The following IMMP2L variants were observed in gnomAD, a reference collection of about 807,000 sequenced individuals.
IMMP2L encodes the protein mitochondrial inner membrane protease subunit 2.
A neutral mutation model predicts 19.3 loss-of-function variants in IMMP2L; 18 were observed. The observed-to-expected ratio is 0.93, with a 90% confidence interval of 0.64 to 1.38. IMMP2L has a LOEUF of 1.38. Among genes scored for constraint, IMMP2L ranks in the 40% most tolerant of loss-of-function variants. The probability of loss-of-function intolerance (pLI) is 0.00; values close to 1 mark genes in which losing one functional copy is unlikely to be tolerated. For synonymous variants in IMMP2L, 76 were observed against 73.0 expected (o/e 1.04, Z -0.21); for missense variants, 233 against 218.2 (o/e 1.07, Z -0.43).
chr7:111,220,722 C>A (rs1812422867), intron 3 of IMMP2L, among the ~76,000 whole-genome samples: 1 of 151,720 alleles, frequency 6.6e-6, no homozygotes, highest in Admixed American at 6.6e-5. Flanking sequence ...GAAGTAAAGT[C>A]CCATAATTTT....
At chr7:110,671,919 G>A (rs1168939658) in intron 5 of IMMP2L, among the ~76,000 whole-genome samples, 4 of 151,764 alleles carry the variant, frequency 2.6e-5, no homozygotes, top group Non-Finnish European at 5.9e-5. Context: ...CCATGTGAGG[G>A]GCCCTCACCA....
intron 5 of IMMP2L, among the ~76,000 whole-genome samples, chr7:110,779,459 G>T (rs1448449090): frequency 6.6e-6 from 1 of 151,942 alleles, no homozygotes; most frequent in Non-Finnish European, 1.5e-5. Context: ...TAGTTATCGA[G>T]AAAAACATGA....
intron 3 of IMMP2L, among the ~76,000 whole-genome samples, chr7:111,395,821 T>G (rs1347176698): frequency 6.6e-6 from 1 of 152,170 alleles, no homozygotes; most frequent in African/African-American, 2.4e-5. Flanking sequence ...ATAAAATTCA[T>G]ATTACTGAAT....
intron 3 of IMMP2L, among the ~76,000 whole-genome samples, chr7:111,412,807 G>C (rs1834554197): frequency 6.6e-6 from 1 of 151,580 alleles, no homozygotes; most frequent in South Asian, 2.1e-4. Context: ...CAAAATTTGA[G>C]AGCCACTGGT....
chr7:110,807,809 A>T (rs1277543143), intron 5 of IMMP2L, among the ~76,000 whole-genome samples: 3 of 151,996 alleles, frequency 2.0e-5, no homozygotes, highest in Non-Finnish European at 4.4e-5. Context: ...TCCTCACAAA[A>T]ACTGGCCCCC....
intron 1 of IMMP2L, among the ~76,000 whole-genome samples, chr7:111,552,597 T>C (rs1253175413): frequency 1.3e-5 from 2 of 152,174 alleles, no homozygotes; most frequent in African/African-American, 4.8e-5. Flanking sequence ...ATAACACATT[T>C]ATATGCTGCT....
chr7:111,221,010 T>G (rs114642140), intron 3 of IMMP2L, among the ~76,000 whole-genome samples: 2,020 of 152,116 alleles, frequency 0.013, 46 homozygotes, highest in African/African-American at 0.047. Context: ...AACGCTAATC[T>G]CTTCGAGAAA....
At chr7:111,140,665 T>C (rs1270074381) in intron 3 of IMMP2L, among the ~76,000 whole-genome samples, 1 of 152,204 alleles carries the variant, frequency 6.6e-6, no homozygotes, top group Non-Finnish European at 1.5e-5. Flanking sequence ...TGGAAATATC[T>C]GAACTTCTCA....
chr7:111,250,738 T>C (rs1816008556), intron 3 of IMMP2L, among the ~76,000 whole-genome samples: 1 of 152,098 alleles, frequency 6.6e-6, no homozygotes, highest in Admixed American at 6.6e-5. Flanking sequence ...CCTTATACCT[T>C]ATACAAAAGG....
intron 3 of IMMP2L, among the ~76,000 whole-genome samples, chr7:111,330,925 T>G (rs946607162): frequency 6.6e-6 from 1 of 151,902 alleles, no homozygotes; most frequent in African/African-American, 2.4e-5. Flanking sequence ...AGACAAAAGT[T>G]AACAAATATT....
At chr7:111,540,080 T>G (rs1263556306) in intron 1 of IMMP2L, among the ~76,000 whole-genome samples, 1 of 152,186 alleles carries the variant, frequency 6.6e-6, no homozygotes, top group Non-Finnish European at 1.5e-5. Flanking sequence ...TGCTGCTATG[T>G]TTCATATACT....
At chr7:111,106,859 G>A (rs987047217) in intron 3 of IMMP2L, among the ~76,000 whole-genome samples, 5 of 151,464 alleles carry the variant, frequency 3.3e-5, no homozygotes, top group African/African-American at 4.8e-5. Context: ...AAAATAATTG[G>A]AGAAATGTGT....
chr7:110,691,508 A>G (rs1793503306), intron 5 of IMMP2L, among the ~76,000 whole-genome samples: 1 of 152,192 alleles, frequency 6.6e-6, no homozygotes, highest in Non-Finnish European at 1.5e-5. Context: ...AGAAATAATC[A>G]TTAGACTAAA....
intron 5 of IMMP2L, among the ~76,000 whole-genome samples, chr7:110,715,648 G>C (rs1039721992): frequency 6.6e-6 from 1 of 152,040 alleles, no homozygotes; most frequent in Non-Finnish European, 1.5e-5. Context: ...TATGATTTCA[G>C]CTTTTTTGAA....
intron 4 of IMMP2L, among the ~76,000 whole-genome samples, chr7:110,947,428 G>C (rs2129553685): frequency 6.6e-6 from 1 of 152,252 alleles, no homozygotes; most frequent in East Asian, 1.9e-4. Flanking sequence ...AATGATAGCT[G>C]TATTAGATTT....
intron 3 of IMMP2L, among the ~76,000 whole-genome samples, chr7:111,264,063 T>TATGGAGTACAG (rs1817589920): frequency 6.6e-6 from 1 of 152,128 alleles, no homozygotes; most frequent in African/African-American, 2.4e-5. Flanking sequence ...GTGAGTACAG[T>TATGGAGTACAG]TATAATACTC....
intron 3 of IMMP2L, among the ~76,000 whole-genome samples, chr7:111,194,873 T>C (rs1470540860): frequency 6.6e-6 from 1 of 152,136 alleles, no homozygotes; most frequent in Non-Finnish European, 1.5e-5. Context: ...ATATCTAACA[T>C]GTAGACACTA....
intron 3 of IMMP2L, among the ~76,000 whole-genome samples, chr7:111,076,910 C>T (rs1795464010): frequency 6.6e-6 from 1 of 152,272 alleles, no homozygotes; most frequent in African/African-American, 2.4e-5. Context: ...CTTTTACTTT[C>T]CTTCTACTAT....
At chr7:110,882,032 T>C (rs1809692661) in intron 5 of IMMP2L, among the ~76,000 whole-genome samples, 1 of 152,102 alleles carries the variant, frequency 6.6e-6, no homozygotes, top group Admixed American at 6.5e-5. Flanking sequence ...GAAGGACTGA[T>C]TGTCTCCCTC....
Sources: allele counts gnomAD v4.1 joint callset (sites outside exome capture counted in the v4.1 genomes callset), GRCh38; gene constraint gnomAD v4.1.1; transcripts MANE v1.5; gene names NCBI Gene and HGNC (gene_info 2026-07-23, HGNC 2026-07-21).